ADAMTSL2: variants seen among roughly 807,000 people sequenced by gnomAD.
ADAMTSL2 encodes the protein ADAMTS like 2, also known as ADAMTS-like protein 2.
ADAMTSL2 carries 55 observed loss-of-function variants against 117.0 expected under a neutral mutation model. The observed-to-expected ratio is 0.47, with a 90% CI of 0.38 to 0.59. The LOEUF (loss-of-function observed/expected upper bound fraction) is 0.59. ADAMTSL2 is among the 20% of genes least tolerant of loss of function. The probability of loss-of-function intolerance (pLI) is 0.00; values close to 1 mark genes in which losing one functional copy is unlikely to be tolerated. For missense variants in ADAMTSL2, 1,182 were observed against 1,354.5 expected, an observed-to-expected ratio of 0.87 and a Z score of 2.00; for synonymous variants, 572 against 566.4, an observed-to-expected ratio of 1.01 and a Z score of -0.14.
chr9:133,575,170 G>T lies in ADAMTSL2; in HGVS notation c.*306G>T. The T allele has an allele frequency of 4.6e-6, 2 of 430,982 alleles. No homozygotes were observed. The highest frequency in any genetic ancestry group is 4.6e-5 in the South Asian group (2 of 43,118). 26.7% of individuals were successfully genotyped at this position (430,982 alleles called of 1,614,324 possible). On this transcript the variant is annotated 3_prime_UTR_variant, in exon 19 of 19. Transcript: ENST00000651351. ...CCCAGCCCCCCAGCAGCCCCCAGCC[G>T]AGGGGCCCAGGGCCCACAGCCAGCG...
rs1263521819 is a variant in ADAMTSL2 at position 133,568,427 on chromosome 9, C to T, written c.2029C>T (p.Arg677Cys). The T allele has an allele frequency of 1.6e-5, 25 of 1,608,990 alleles. No individual in the cohort carries two copies. Among genetic ancestry groups the T allele is most frequent in the African/African-American group, 1.1e-4 (8 of 74,902 alleles). The change falls in exon 14 of 19, where the codon CGC (arginine) becomes TGC (cysteine). Residue 677 changes from arginine to cysteine, a missense_variant. Arg to Cys is a radical substitution (Grantham distance 180). Transcript: ENST00000651351. ...AGCCGAGGCCGTGCGGCCCGAGGAA[C>T]GCAAGACCTGCCGGAACCCCGCCTG... ...EAAEAVRPEE[R>C]KTCRNPACGP...
chr9:133,563,829 GAGA>G, intron 12 of ADAMTSL2, among the ~76,000 whole-genome samples: 1 of 94,598 alleles, frequency 1.1e-5, no homozygotes. Context: ...GAGAGAGAGA[GAGA>G]GAGAGAGAGA....
rs1830623704 is a variant in ADAMTSL2, at chr9:133,557,280, G to C, written c.1649+1350G>C. Among the ~76,000 whole-genome samples, 1 of 152,212 alleles carries C rather than the reference G, an allele frequency of 6.6e-6. No individual in the cohort carries two copies. Among genetic ancestry groups the C allele is most frequent in the African/African-American group, 2.4e-5 (1 of 41,452 alleles). On this transcript the variant is annotated intron_variant, in intron 11 of 18. Transcript: ENST00000651351. The surrounding 1 kb of genome is among the most constrained non-coding windows in gnomAD (Gnocchi z 5.2). Reference sequence around the variant, plus strand: ...AACTGTTTTCTGAGGCCACCGAGGTGCCTGGGGCTGCGGGGTGCAGGGAGG... The same window carrying C: ...AACTGTTTTCTGAGGCCACCGAGGTCCCTGGGGCTGCGGGGTGCAGGGAGG...
chr9:133,566,906 C>T (rs1830986530), intron 12 of ADAMTSL2, 30 bp from the exon 13 acceptor site: 25 of 1,594,926 alleles, frequency 1.6e-5, no homozygotes, highest in Non-Finnish European at 1.8e-5. Flanking sequence ...GCCGGCATGG[C>T]TCACAGACCC....
intron 12 of ADAMTSL2, among the ~76,000 whole-genome samples, chr9:133,561,546 C>A (rs911374185): frequency 9.9e-5 from 15 of 152,262 alleles, no homozygotes; most frequent in African/African-American, 3.4e-4. Context: ...GGCTACCACC[C>A]ATTGGTGGTA....
rs1238567403 is a variant in ADAMTSL2 at position 133,556,007 on chromosome 9, C to T, written c.1649+77C>T. ...GGCCGAGGCCAGGTAGAAAGTGAGG[C>T]CCCACTGGGGGGGTCTGGCCAGAAG... On this transcript the variant is annotated intron_variant, in intron 11 of 18. Coordinates refer to ENST00000651351, the MANE Select transcript of ADAMTSL2 (RefSeq NM_014694.4). 3.2e-6 allele frequency: 5 copies of T among 1,558,666 alleles called. No individual in the cohort carries two copies. The East Asian group carries it at 9.0e-5, about 28-fold the overall frequency.
rs948246665 is a variant in ADAMTSL2, at chr9:133,572,413, C to T, written c.2593-1430C>T. Among the ~76,000 whole-genome samples, 4 of 152,272 alleles carry T rather than the reference C, an allele frequency of 2.6e-5. No individual in the cohort carries two copies. In the South Asian group the frequency reaches 8.3e-4, roughly 32 times the overall value. On this transcript the variant is annotated intron_variant, in intron 17 of 18. Coordinates refer to ENST00000651351, the MANE Select transcript of ADAMTSL2 (RefSeq NM_014694.4). ...GCTGGAGAGACCACGGCGTGCCGGG[C>T]CCTGAAGCCTCCTTCTGGAAAGGCT...
At chr9:133,547,881 T>A (rs1440667146) in intron 9 of ADAMTSL2, among the ~76,000 whole-genome samples, 1 of 152,232 alleles carries the variant, frequency 6.6e-6, no homozygotes, top group Non-Finnish European at 1.5e-5. Context: ...GTGGGCCTGT[T>A]ATGCCCGACT....
rs1830427183 is a variant in ADAMTSL2 at position 133,549,239 on chromosome 9, C to T, written c.939+2026C>T. Among the ~76,000 whole-genome samples the T allele has an allele frequency of 3.5e-4, 2 of 5,652 alleles. 1 individual carries two copies. The highest frequency in any genetic ancestry group is 1.7e-3 in the Admixed American group (2 of 1,210). The allele number at this position is 5,652 out of a possible 152,430, so 3.7% of individuals were successfully genotyped here. A position where few individuals can be genotyped will look rare whatever the true frequency, so the allele number is the denominator to read the frequency against. ...CGGGATGGTCTCGATCTCCTGACCT[C>T]GTGATCCGCCCGCCTCGGCCTCCCA... On this transcript the variant is annotated intron_variant, in intron 9 of 18. Transcript: ENST00000651351.
Position 133,574,999 on chromosome 9 carries a change from C to A in ADAMTSL2, c.*135C>A. 1 of 698,708 alleles carries A rather than the reference C, an allele frequency of 1.4e-6. No homozygotes were observed. The highest frequency in any genetic ancestry group is 2.5e-6 in the Non-Finnish European group (1 of 396,650). The allele number at this position is 698,708 out of a possible 1,614,324, so 43.3% of individuals were successfully genotyped here. ...AGACGTGGCACTGAGCCTCGGCTGT[C>A]GAGAGGGGACTTCCCACGGCCCGTG... is the stretch of plus-strand genomic sequence containing the variant. On this transcript the variant is annotated 3_prime_UTR_variant, in exon 19 of 19. Coordinates refer to ENST00000651351, the MANE Select transcript of ADAMTSL2 (RefSeq NM_014694.4).
chr9:133,548,755 G>T (rs1474815315), intron 9 of ADAMTSL2, among the ~76,000 whole-genome samples: 2 of 152,158 alleles, frequency 1.3e-5, no homozygotes, highest in African/African-American at 4.8e-5. Context: ...AATTCCTGGG[G>T]TGGGGCACAG....
In ADAMTSL2 at chr9:133,555,670, G is replaced by A; in HGVS notation, c.1389G>A (p.Leu463=). 1 of 1,613,860 alleles carries A rather than the reference G, an allele frequency of 6.2e-7. No homozygotes were observed. Among genetic ancestry groups the A allele is most frequent in the South Asian group, 1.1e-5 (1 of 91,084 alleles). ...CTAACGCCATCTCTGACCAGCTGCT[G>A]GGCGCAGGCTCTGACTTGAAGGACT... ...FSANAISDQL[L]GAGSDLKDFT... The change falls in exon 11 of 19, where the codon CTG becomes CTA. Residue 463 remains leucine (L), a synonymous_variant. Coordinates refer to ENST00000651351, the MANE Select transcript of ADAMTSL2 (RefSeq NM_014694.4).
chr9:133,544,189 T>C (rs1830293502), intron 7 of ADAMTSL2, among the ~76,000 whole-genome samples: 2 of 152,166 alleles, frequency 1.3e-5, no homozygotes, highest in South Asian at 4.1e-4. Flanking sequence ...GTGTGCTCCA[T>C]GTCCCTGTGG....
chr9:133,574,048 C>T (rs1831171856), intron 18 of ADAMTSL2, 61 bp downstream of exon 18: 1 of 1,560,308 alleles, frequency 6.4e-7, no homozygotes. Context: ...AGGACAGAGT[C>T]AGGGCCTGAG....
chr9:133,555,612 A>T lies in ADAMTSL2; in HGVS notation c.1331A>T (p.Asp444Val). Residue 444 changes from aspartate (D) to valine (V), a missense_variant, in exon 11 of 19, where the codon GAC (aspartate) becomes GTC (valine). Coordinates refer to ENST00000651351, the MANE Select transcript of ADAMTSL2 (RefSeq NM_014694.4). ...GGGGACAAGGATGACGAAGAGGTTG[A>T]CACCCACTTCGCCTCCCAGGAGTTC... ...LTGDKDDEEV[D>V]THFASQEFFS... 1 of 1,613,356 alleles carries T rather than the reference A, an allele frequency of 6.2e-7. No homozygotes were observed.
chr9:133,574,072 T>G, intron 18 of ADAMTSL2, 85 bp downstream of exon 18: 1 of 1,495,214 alleles, frequency 6.7e-7, no homozygotes, highest in Non-Finnish European at 9.0e-7. Context: ...TGAGCAGACA[T>G]TGCTCACCTT....
At position 133,557,886 on chromosome 9, in the gene ADAMTSL2, T is replaced by C. The variant is rs1830638883; in HGVS notation, c.1649+1956T>C. On this transcript the variant is annotated intron_variant, in intron 11 of 18. Transcript: ENST00000651351. The surrounding 1 kb of genome is among the most constrained non-coding windows in gnomAD (Gnocchi z 5.2). ...CGAGGCCTCGCTGTGGAATTTGGCT[T>C]AAGGCATGGACACTGTGTGAGTTGA... Among the ~76,000 whole-genome samples the C allele has an allele frequency of 6.6e-6, 1 of 152,136 alleles. No individual in the cohort carries two copies. The highest frequency in any genetic ancestry group is 6.5e-5 in the Admixed American group (1 of 15,282).
At chr9:133,561,016 C>T (rs1830714602) in intron 11 of ADAMTSL2, among the ~76,000 whole-genome samples, 182 bp from the exon 12 acceptor site, 2 of 152,248 alleles carry the variant, frequency 1.3e-5, no homozygotes, top group African/African-American at 2.4e-5. Flanking sequence ...GCGCCTCATC[C>T]GTTCCACTTC....
chr9:133,568,519 G>A (rs1831029839), intron 14 of ADAMTSL2, 33 bp downstream of exon 14: 96 of 1,579,068 alleles, frequency 6.1e-5, no homozygotes, highest in Non-Finnish European at 6.0e-6. Flanking sequence ...CGGGGGTCGG[G>A]AAGAGCTGGG....
Sources: allele counts gnomAD v4.1 joint callset (sites outside exome capture counted in the v4.1 genomes callset), GRCh38; gene constraint gnomAD v4.1.1; non-coding constraint Gnocchi (gnomAD v3.1); transcripts MANE v1.5; gene names NCBI Gene and HGNC (gene_info 2026-07-23, HGNC 2026-07-21).